Variants in BZW2 observed in about 807,000 individuals in gnomAD.
BZW2 encodes basic leucine zipper and W2 domains 2.
BZW2 carries 23 observed loss-of-function variants against 53.2 expected under a neutral mutation model. The ratio of observed to expected loss-of-function variants is 0.43; its 90% CI spans 0.31 to 0.61. The LOEUF (loss-of-function observed/expected upper bound fraction) is 0.61. Among genes scored for constraint, BZW2 ranks in the 20% least tolerant of loss-of-function variants. The pLI, the probability that BZW2 is intolerant of heterozygous loss-of-function variation, is 0.09. For synonymous variants in BZW2, 227 were observed against 186.4 expected, an observed-to-expected ratio of 1.22 and a Z score of -1.77; for missense variants, 409 against 503.1, an observed-to-expected ratio of 0.81 and a Z score of 1.79.
At chr7:16,671,609 A>G (rs1166811484) in intron 2 of BZW2, among the ~76,000 whole-genome samples, 1 of 151,950 alleles carries the variant, frequency 6.6e-6, no homozygotes. Context: ...CAGTATATGT[A>G]TGTTCGTATT....
At chr7:16,684,156 A>T (rs1220217428) in intron 5 of BZW2, among the ~76,000 whole-genome samples, 2 of 152,238 alleles carry the variant, frequency 1.3e-5, no homozygotes, top group African/African-American at 2.4e-5. Context: ...ACTTGTAGGC[A>T]TAACTACATG....
At chr7:16,697,814 T>C (rs371513919) in intron 9 of BZW2, among the ~76,000 whole-genome samples, 28 of 152,344 alleles carry the variant, frequency 1.8e-4, no homozygotes, top group African/African-American at 6.3e-4. Context: ...ACTGTGGCTC[T>C]GCCATTGAAA....
Position 16,674,606 on chromosome 7 carries a change from G to T in BZW2, c.235+18G>T, listed in dbSNP as rs370423915. 7 of 1,522,214 alleles carry T rather than the reference G, an allele frequency of 4.6e-6. No individual in the cohort carries two copies. The highest frequency in any genetic ancestry group is 1.9e-4 in the Middle Eastern group (1 of 5,352). 94.3% of individuals were successfully genotyped at this position (1,522,214 alleles called of 1,614,324 possible). ...TATGCTTGGTAAACCATGCATTATCGCTTCTTGTAGTATATTTATATATTT... is the reference window on the plus strand; with the variant it reads ...TATGCTTGGTAAACCATGCATTATCTCTTCTTGTAGTATATTTATATATTT... On this transcript the variant is annotated intron_variant, in intron 3 of 11. Coordinates refer to ENST00000258761, the MANE Select transcript of BZW2 (RefSeq NM_014038.3).
At chr7:16,698,243 G>T (rs1318942492) in intron 10 of BZW2, 57 bp downstream of exon 10, 2 of 1,601,706 alleles carry the variant, frequency 1.2e-6, no homozygotes, top group Non-Finnish European at 1.7e-6. Context: ...TCTTTGAGAG[G>T]CAGAGCAGGC....
At chr7:16,684,821 T>G (rs2293398) in intron 5 of BZW2, among the ~76,000 whole-genome samples, 31,547 of 152,154 alleles carry the variant, frequency 0.21, 3,412 homozygotes, top group East Asian at 0.38. Flanking sequence ...GACTGGTTTG[T>G]TTCCAGTTCT....
At chr7:16,698,407 A>C in intron 10 of BZW2, 3 of 467,986 alleles carry the variant, frequency 6.4e-6, no homozygotes. Flanking sequence ...GCCCCTGGGC[A>C]CTTCTCATTG....
intron 10 of BZW2, among the ~76,000 whole-genome samples, chr7:16,699,097 A>G (rs577196479): frequency 6.6e-6 from 1 of 152,346 alleles, no homozygotes; most frequent in African/African-American, 2.4e-5. Flanking sequence ...TTGGCCACGT[A>G]GATTCCTCAA....
chr7:16,666,442 C>T (rs1392383170), intron 2 of BZW2, among the ~76,000 whole-genome samples: 2 of 147,630 alleles, frequency 1.4e-5, no homozygotes, highest in Non-Finnish European at 3.0e-5. Context: ...CTTGCTCCGT[C>T]GTCAGGCTGG....
chr7:16,687,873 G>C (rs1173262464), intron 6 of BZW2, among the ~76,000 whole-genome samples: 1 of 152,054 alleles, frequency 6.6e-6, no homozygotes, highest in African/African-American at 2.4e-5. Flanking sequence ...TTCAAGCGTA[G>C]TTTTTCTTTA....
intron 1 of BZW2, among the ~76,000 whole-genome samples, chr7:16,651,687 G>C (rs1483568228): frequency 6.6e-6 from 1 of 152,124 alleles, no homozygotes; most frequent in Admixed American, 6.6e-5. Flanking sequence ...TATAGTGCTA[G>C]AAATTATGGT....
intron 7 of BZW2, among the ~76,000 whole-genome samples, chr7:16,691,961 CAT>C (rs1254108810): frequency 1.3e-5 from 2 of 151,992 alleles, no homozygotes; most frequent in African/African-American, 4.8e-5. Flanking sequence ...CTGCGAGAAA[CAT>C]ATAAACTGGG....
chr7:16,675,173 C>A (rs189931332), intron 3 of BZW2, among the ~76,000 whole-genome samples: 5 of 152,230 alleles, frequency 3.3e-5, no homozygotes, highest in Admixed American at 6.5e-5. Flanking sequence ...GTAGATGATT[C>A]TAATATTTAT....
intron 2 of BZW2, among the ~76,000 whole-genome samples, chr7:16,667,230 G>T (rs117911640): frequency 6.9e-6 from 1 of 145,532 alleles, no homozygotes; most frequent in Non-Finnish European, 1.5e-5. Context: ...TCAGTGAGCC[G>T]ACATTGCACC....
chr7:16,679,465 C>T (rs1485750237), intron 3 of BZW2, among the ~76,000 whole-genome samples: 2 of 152,198 alleles, frequency 1.3e-5, no homozygotes, highest in Non-Finnish European at 2.9e-5. Flanking sequence ...AAAATAGACT[C>T]TTGAAGGGGC....
Position 16,698,064 on chromosome 7 carries a change from TG to T in BZW2, c.988del (p.Ala330ProfsTer11), listed in dbSNP as rs1194307367. 1.2e-6 allele frequency: 2 copies of T among 1,614,044 alleles called. No homozygotes were observed. The highest frequency in any genetic ancestry group is 2.7e-5 in the African/African-American group (2 of 74,930). ...CTGTTCTAGCAATATGCTCCCCTGC[TG>T]GCCGTGTTCAGCTCCCAAGGCCAGT... The part of the protein sequence containing the change: ...LKHLKQYAPL[L>X]AVFSSQGQSE... On this transcript the variant is annotated frameshift_variant, in exon 10 of 12. Transcript: ENST00000258761. LOFTEE classifies it high-confidence loss of function.
At chr7:16,695,266 A>G (rs706038) in intron 8 of BZW2, among the ~76,000 whole-genome samples, 32,279 of 152,142 alleles carry the variant, frequency 0.21, 3,919 homozygotes, top group East Asian at 0.55. Context: ...ATGATTTTCA[A>G]AATATTTCAT....
At chr7:16,666,747 C>T (rs1782440261) in intron 2 of BZW2, among the ~76,000 whole-genome samples, 1 of 152,056 alleles carries the variant, frequency 6.6e-6, no homozygotes, top group Non-Finnish European at 1.5e-5. Flanking sequence ...ACAGCTACTG[C>T]AGACTCAACC....
At chr7:16,700,647 A>G (rs1449650670) in intron 10 of BZW2, 2 of 152,204 alleles carry the variant, frequency 1.3e-5, no homozygotes, top group Non-Finnish European at 2.9e-5. Flanking sequence ...TTGTACCAGG[A>G]CCACTGGTGT....
intron 1 of BZW2, among the ~76,000 whole-genome samples, chr7:16,646,894 G>C (rs1430932422): frequency 6.6e-6 from 1 of 152,140 alleles, no homozygotes; most frequent in African/African-American, 2.4e-5. Flanking sequence ...GGAAGGAAGG[G>C]CTTCTTTGCT....
Sources: gnomAD v4.1 joint callset for allele counts (sites outside exome capture counted in the v4.1 genomes callset) on GRCh38, gnomAD v4.1.1 for gene constraint, MANE v1.5 for transcripts, NCBI Gene and HGNC (gene_info 2026-07-23, HGNC 2026-07-21) for gene names.